Variants in CCDC88C observed in about 807,000 individuals in gnomAD.
CCDC88C encodes the protein coiled-coil and HOOK domain protein 88C.
CCDC88C carries 131 observed loss-of-function variants against 198.8 expected under a neutral mutation model. That is an observed-to-expected ratio of 0.66 (90% CI 0.57 to 0.76). The LOEUF is 0.76. CCDC88C is among the 30% of genes least tolerant of loss of function. The pLI, the probability that CCDC88C is intolerant of heterozygous loss-of-function variation, is 0.00. For synonymous variants in CCDC88C, 1,166 were observed against 1,114.7 expected, an observed-to-expected ratio of 1.05 and a Z score of -0.92; for missense variants, 2,553 against 2,631.6, an observed-to-expected ratio of 0.97 and a Z score of 0.65.
At chr14:91,280,979 T>C (rs991541890) in intron 27 of CCDC88C, among the ~76,000 whole-genome samples, 1 of 149,110 alleles carries the variant, frequency 6.7e-6, no homozygotes, top group African/African-American at 2.6e-5. Flanking sequence ...CCAAAGCAGC[T>C]TTTGATTTTT....
At chr14:91,303,125 C>A (rs1477754732) in intron 20 of CCDC88C, among the ~76,000 whole-genome samples, 2 of 152,148 alleles carry the variant, frequency 1.3e-5, no homozygotes, top group African/African-American at 4.8e-5. Flanking sequence ...CCAGGGAAGT[C>A]CCAGTCCTCC....
At chr14:91,368,936 C>A (rs1346429311) in intron 3 of CCDC88C, among the ~76,000 whole-genome samples, 1 of 152,220 alleles carries the variant, frequency 6.6e-6, no homozygotes, top group Non-Finnish European at 1.5e-5. Context: ...ACCAGAAACA[C>A]CAGACAGTGA....
In CCDC88C at chr14:91,272,312, T is replaced by G; in HGVS notation, c.*313A>C. ...AGTGTTCTACTGGGACATACTGGAG[T>G]AGTGTCTGCTTTGGGGGAAGTCAGT... On this transcript the variant is annotated 3_prime_UTR_variant, in exon 30 of 30. Coordinates refer to ENST00000389857, the MANE Select transcript of CCDC88C (RefSeq NM_001080414.4). 1 of 368,500 alleles carries G rather than the reference T, an allele frequency of 2.7e-6. No individual in the cohort carries two copies. Among genetic ancestry groups the G allele is most frequent in the South Asian group, 3.2e-5 (1 of 31,346 alleles). 22.8% of individuals were successfully genotyped at this position (368,500 alleles called of 1,614,324 possible). A position where few individuals can be genotyped will look rare whatever the true frequency, so the allele number is the denominator to read the frequency against.
rs767930304 is a variant in CCDC88C at position 91,309,981 on chromosome 14, C to T, written c.2742G>A (p.Leu914=). The change falls in exon 16 of 30, where the codon CTG becomes CTA. Residue 914 remains leucine, a synonymous_variant. Coordinates refer to ENST00000389857, the MANE Select transcript of CCDC88C (RefSeq NM_001080414.4). ...GCTGGCTCTTCAGCTTCTCGAGCAC[C>T]AGGTCCTGGAATGATGGGGAGAGAG... is the stretch of plus-strand genomic sequence containing the variant. ...ARTLTTLRED[L]VLEKLKSQQL... The T allele has an allele frequency of 2.5e-6, 4 of 1,597,466 alleles. No homozygotes were observed. The Admixed American group carries it at 5.2e-5, about 21-fold the overall frequency.
rs1292670183 is a variant in CCDC88C at position 91,284,131 on chromosome 14, A to G, written c.4442-614T>C. ...ACTCTGGTCAAAATTAAATAAAAACATATAAAATCATAAAAGAAAAACAGC... is the reference window on the plus strand; with the variant it reads ...ACTCTGGTCAAAATTAAATAAAAACGTATAAAATCATAAAAGAAAAACAGC... On this transcript the variant is annotated intron_variant, in intron 25 of 29. Coordinates refer to ENST00000389857, the MANE Select transcript of CCDC88C (RefSeq NM_001080414.4). This position sits in a 1 kb window ranked among gnomAD's most constrained non-coding sequence, Gnocchi z 4.1. Among the ~76,000 whole-genome samples, 1 of 152,236 alleles carries G rather than the reference A, an allele frequency of 6.6e-6. No individual in the cohort carries two copies. Among genetic ancestry groups the G allele is most frequent in the Non-Finnish European group, 1.5e-5 (1 of 68,040 alleles).
intron 6 of CCDC88C, 129 bp from the exon 7 acceptor site, chr14:91,340,153 A>G (rs1001517630): frequency 1.5e-6 from 2 of 1,302,310 alleles, no homozygotes; most frequent in African/African-American, 2.9e-5. Context: ...GGTGGCCAGC[A>G]AAAGGGTGCC....
At chr14:91,410,554 A>C (rs917961940) in intron 2 of CCDC88C, among the ~76,000 whole-genome samples, 1 of 152,238 alleles carries the variant, frequency 6.6e-6, no homozygotes, top group Non-Finnish European at 1.5e-5. Context: ...GTCATGCATA[A>C]CTGAGAAAAT....
At chr14:91,320,071 T>C (rs913488831) in intron 13 of CCDC88C, among the ~76,000 whole-genome samples, 36 of 150,748 alleles carry the variant, frequency 2.4e-4, no homozygotes, top group Non-Finnish European at 3.7e-4. Flanking sequence ...TGTTTGGTTG[T>C]TGCTAAATTT....
intron 20 of CCDC88C, 112 bp from the exon 21 acceptor site, chr14:91,300,182 A>G (rs1231874095): frequency 6.9e-7 from 1 of 1,442,012 alleles, no homozygotes; most frequent in Non-Finnish European, 9.3e-7. Context: ...ATTCCTCTGG[A>G]GAGTCTCTCT....
intron 4 of CCDC88C, among the ~76,000 whole-genome samples, chr14:91,344,597 T>C (rs1411407946): frequency 6.6e-6 from 1 of 151,748 alleles, no homozygotes; most frequent in Non-Finnish European, 1.5e-5. Flanking sequence ...CTGCAAGCTC[T>C]GCCTCCTGGG....
intron 10 of CCDC88C, among the ~76,000 whole-genome samples, chr14:91,331,633 G>A (rs1861790044): frequency 3.9e-5 from 6 of 152,200 alleles, no homozygotes. Flanking sequence ...AACCCTTTCT[G>A]TCCCTCTGGC....
chr14:91,285,570 TATC>T (rs1890369056), intron 25 of CCDC88C: 1 of 1,121,008 alleles, frequency 8.9e-7, no homozygotes, highest in Non-Finnish European at 1.2e-6. Context: ...AGGGGTCCGC[TATC>T]GGCCATCTGG....
chr14:91,390,804 T>G (rs1246589995), intron 3 of CCDC88C, among the ~76,000 whole-genome samples: 1 of 152,040 alleles, frequency 6.6e-6, no homozygotes, highest in East Asian at 1.9e-4. Context: ...CCCACTTCCT[T>G]TACCTGGTCT....
rs200878782 is a variant in CCDC88C at position 91,283,349 on chromosome 14, C to T, written c.4610G>A (p.Arg1537Gln). Residue 1537 changes from arginine to glutamine, a missense_variant, in exon 26 of 30, where the codon CGG becomes CAG. Arg to Gln is a conservative substitution (Grantham distance 43). Around this residue, in one of 2 missense-constraint regions of CCDC88C, gnomAD observed 1,293 missense variants for 1,219.6 expected, o/e 1.06. Coordinates refer to ENST00000389857, the MANE Select transcript of CCDC88C (RefSeq NM_001080414.4). ...TAPSNSTPIA[R>Q]HPGRTKGYNS... is the part of the protein sequence containing the mutation. The stretch of plus-strand genomic sequence containing the variant: ...CTCACCTTTGGTGCGGCCTGGGTGC[C>T]GGGCGATGGGGGTGGAGTTGGAAGG... 947 of 1,613,542 alleles carry T rather than the reference C, an allele frequency of 5.9e-4. No homozygotes were observed. The highest frequency in any genetic ancestry group is 7.4e-4 in the Non-Finnish European group (871 of 1,179,814).
chr14:91,335,272 C>G (rs1893000931), intron 10 of CCDC88C, among the ~76,000 whole-genome samples: 1 of 152,138 alleles, frequency 6.6e-6, no homozygotes, highest in African/African-American at 2.4e-5. Flanking sequence ...TGAAACACCC[C>G]ACGCCACCCG....
At chr14:91,382,249 G>T (rs1219251267) in intron 3 of CCDC88C, among the ~76,000 whole-genome samples, 1 of 152,102 alleles carries the variant, frequency 6.6e-6, no homozygotes, top group African/African-American at 2.4e-5. Flanking sequence ...CAACGCAGAG[G>T]CCTCATAATC....
intron 28 of CCDC88C, 149 bp downstream of exon 28, chr14:91,279,088 TG>T: frequency 1.5e-6 from 1 of 655,386 alleles, no homozygotes; most frequent in Non-Finnish European, 2.7e-6. Context: ...TTTTTAGAGA[TG>T]GGGTTTCGCC....
At chr14:91,340,460 T>A (rs1399228479) in intron 6 of CCDC88C, among the ~76,000 whole-genome samples, 1 of 152,150 alleles carries the variant, frequency 6.6e-6, no homozygotes, top group African/African-American at 2.4e-5. Flanking sequence ...TACAAAGCAA[T>A]CTTGGGTTGT....
rs1338624728 is a variant in CCDC88C, at chr14:91,288,626, G to T, written c.4441+479C>A. ...TTGTTCTAAAACAACAAAAGTGGTT[G>T]GGCGTGGCAGCTCACGCCTGTAATC... is the stretch of plus-strand genomic sequence containing the variant. On this transcript the variant is annotated intron_variant, in intron 25 of 29. Coordinates refer to ENST00000389857, the MANE Select transcript of CCDC88C (RefSeq NM_001080414.4). This position sits in a 1 kb window ranked among gnomAD's most constrained non-coding sequence, Gnocchi z 4.2. The T allele has an allele frequency of 6.5e-6, 1 of 153,632 alleles. No individual in the cohort carries two copies. Among genetic ancestry groups the T allele is most frequent in the Non-Finnish European group, 1.4e-5 (1 of 69,424 alleles). The allele number at this position is 153,632 out of a possible 1,614,324, so 9.5% of individuals were successfully genotyped here.
Sources: gnomAD v4.1 joint callset for allele counts (sites outside exome capture counted in the v4.1 genomes callset) on GRCh38, gnomAD v4.1.1 for gene constraint, gnomAD v4.1.1 regional missense constraint, Gnocchi (gnomAD v3.1) non-coding constraint, MANE v1.5 for transcripts, NCBI Gene and HGNC (gene_info 2026-07-23, HGNC 2026-07-21) for gene names.